The following CREB5 variants were observed in gnomAD, a reference collection of about 807,000 sequenced individuals.
The protein encoded by CREB5 is cyclic AMP-responsive element-binding protein 5.
Under a neutral mutation model 57.1 loss-of-function variants are expected in CREB5, and 19 were observed. That is an observed-to-expected ratio of 0.33 (90% confidence interval 0.23 to 0.49). The LOEUF (loss-of-function observed/expected upper bound fraction) is 0.49, where lower values mean the gene tolerates loss of function less well. Ranked by LOEUF, CREB5 falls within the 20% of genes least tolerant of loss-of-function variation. The pLI, the probability that CREB5 is intolerant of heterozygous loss-of-function variation, is 0.99. For synonymous variants in CREB5, 238 were observed against 238.3 expected (o/e 1.00, Z 0.01); for missense variants, 579 against 671.6 (o/e 0.86, Z 1.52).
rs1035958012 is a variant in CREB5 at position 28,820,134 on chromosome 7, TG to T, written c.*856del. On this transcript the variant is annotated 3_prime_UTR_variant, in exon 11 of 11. Coordinates refer to ENST00000357727, the MANE Select transcript of CREB5 (RefSeq NM_182898.4). Reference sequence around the variant, plus strand: ...GAGATGTTTAATGTGCCTGATTTAATGTTTTTAATAATCACAGCAAATGAAA... The same window carrying T: ...GAGATGTTTAATGTGCCTGATTTAATTTTTTAATAATCACAGCAAATGAAA... 6.6e-6 allele frequency: 1 copy of T among 152,390 alleles called. No individual in the cohort carries two copies. Among genetic ancestry groups the T allele is most frequent in the Non-Finnish European group, 1.5e-5 (1 of 68,034 alleles). 9.4% of individuals were successfully genotyped at this position (152,390 alleles called of 1,614,324 possible).
intron 4 of CREB5, among the ~76,000 whole-genome samples, chr7:28,561,176 G>T (rs1006076413): frequency 6.6e-6 from 1 of 152,122 alleles, no homozygotes; most frequent in Admixed American, 6.5e-5. Context: ...AGCACTCATT[G>T]TACTGTTCTA....
At chr7:28,552,995 G>A (rs1360171877) in intron 4 of CREB5, among the ~76,000 whole-genome samples, 1 of 152,162 alleles carries the variant, frequency 6.6e-6, no homozygotes, top group Non-Finnish European at 1.5e-5. Context: ...TGAGCGTGGT[G>A]GGCGCAATTC....
At chr7:28,306,389 C>T (rs1355348254) in intron 1 of CREB5, among the ~76,000 whole-genome samples, 1 of 152,110 alleles carries the variant, frequency 6.6e-6, no homozygotes, top group Non-Finnish European at 1.5e-5. Flanking sequence ...TTTTATTCCA[C>T]CACTCCAGCT....
At position 28,751,291 on chromosome 7, in the gene CREB5, G is replaced by T. The variant is rs967909902; in HGVS notation, c.702+26959G>T. On this transcript the variant is annotated intron_variant, in intron 7 of 10. Coordinates refer to ENST00000357727, the MANE Select transcript of CREB5 (RefSeq NM_182898.4). ...ATGCCATCCCCAGCATTCAAAGAAG[G>T]CCACAGCTCTGCTGGAAGGGATTGC... is the stretch of plus-strand genomic sequence containing the variant. Among the ~76,000 whole-genome samples the T allele has an allele frequency of 2.0e-5, 3 of 152,292 alleles. 1 individual carries two copies. The highest frequency in any genetic ancestry group is 4.4e-5 in the Non-Finnish European group (3 of 68,030).
intron 4 of CREB5, among the ~76,000 whole-genome samples, chr7:28,524,293 A>G (rs1793329884): frequency 6.7e-6 from 1 of 150,358 alleles, no homozygotes; most frequent in Non-Finnish European, 1.5e-5. Flanking sequence ...CCTGGCCAAC[A>G]TGGTGAAACC....
intron 7 of CREB5, among the ~76,000 whole-genome samples, chr7:28,792,044 C>T (rs1469269492): frequency 6.6e-6 from 1 of 152,178 alleles, no homozygotes; most frequent in East Asian, 1.9e-4. Context: ...GTGGCTCATG[C>T]CTGTAATCCC....
chr7:28,578,588 C>A (rs1271426592), intron 5 of CREB5, among the ~76,000 whole-genome samples: 2 of 152,100 alleles, frequency 1.3e-5, no homozygotes, highest in Non-Finnish European at 2.9e-5. Flanking sequence ...ATATTTGGAG[C>A]TTTTATATTC....
intron 1 of CREB5, among the ~76,000 whole-genome samples, chr7:28,387,574 T>C (rs973157722): frequency 6.6e-6 from 1 of 152,114 alleles, no homozygotes; most frequent in Non-Finnish European, 1.5e-5. Flanking sequence ...AGAAGCTCTT[T>C]AGTTTGATGA....
intron 1 of CREB5, among the ~76,000 whole-genome samples, chr7:28,459,208 G>T (rs943271538): frequency 6.6e-6 from 1 of 152,156 alleles, no homozygotes; most frequent in South Asian, 2.1e-4. Context: ...GTGCGGGGGA[G>T]TCTGTCTTCA....
intron 1 of CREB5, among the ~76,000 whole-genome samples, chr7:28,436,752 T>C (rs1451813525): frequency 6.6e-6 from 1 of 152,152 alleles, no homozygotes; most frequent in Non-Finnish European, 1.5e-5. Context: ...GAGATTCTCT[T>C]AAGTTTTGCT....
intron 5 of CREB5, among the ~76,000 whole-genome samples, chr7:28,629,690 A>G (rs1798131198): frequency 6.6e-6 from 1 of 152,146 alleles, no homozygotes; most frequent in African/African-American, 2.4e-5. Context: ...CAAAGCTCTG[A>G]CCATCCATGA....
At chr7:28,540,234 A>C (rs900157772) in intron 4 of CREB5, among the ~76,000 whole-genome samples, 1 of 152,180 alleles carries the variant, frequency 6.6e-6, no homozygotes, top group African/African-American at 2.4e-5. Flanking sequence ...TAAATCCACA[A>C]TTTGAAATTT....
At chr7:28,441,956 G>A (rs572575046) in intron 1 of CREB5, among the ~76,000 whole-genome samples, 22 of 152,076 alleles carry the variant, frequency 1.4e-4, no homozygotes, top group South Asian at 1.0e-3. Context: ...GTAAGTATTC[G>A]AATGCCCTCT....
intron 1 of CREB5, among the ~76,000 whole-genome samples, chr7:28,306,546 G>GTTTTTTTTTTTTTT (rs796910262): frequency 7.5e-5 from 7 of 93,492 alleles, no homozygotes; most frequent in African/African-American, 2.0e-4. Flanking sequence ...ATACAGTTTT[G>GTTTTTTTTTTTTTT]TTTTTTTTGT....
intron 3 of CREB5, among the ~76,000 whole-genome samples, chr7:28,501,283 C>A (rs1393959933): frequency 6.6e-6 from 1 of 152,092 alleles, no homozygotes; most frequent in Non-Finnish European, 1.5e-5. Context: ...AGAAAATAAT[C>A]AAAAGTTTTT....
intron 7 of CREB5, among the ~76,000 whole-genome samples, chr7:28,781,548 C>A (rs908425279): frequency 1.3e-5 from 2 of 152,152 alleles, no homozygotes; most frequent in African/African-American, 4.8e-5. Context: ...CAAACAATGT[C>A]CAGGGATGAA....
At chr7:28,804,630 C>T in intron 8 of CREB5, 108 bp downstream of exon 8, 1 of 1,355,940 alleles carries the variant, frequency 7.4e-7, no homozygotes, top group East Asian at 2.3e-5. Flanking sequence ...CCCAGGTGTT[C>T]TATCTCACAT....
At chr7:28,390,608 A>C (rs1787197952) in intron 1 of CREB5, among the ~76,000 whole-genome samples, 1 of 152,126 alleles carries the variant, frequency 6.6e-6, no homozygotes, top group South Asian at 2.1e-4. Context: ...CCTCCGCACC[A>C]CTTGGCTGAT....
intron 2 of CREB5, 51 bp downstream of exon 2, chr7:28,488,297 A>G (rs779051390): frequency 6.4e-7 from 1 of 1,553,106 alleles, no homozygotes; most frequent in Admixed American, 1.7e-5. Context: ...GCTTTCCGAA[A>G]GGGAAGCAAC....
Sources: gnomAD v4.1 joint callset for allele counts (sites outside exome capture counted in the v4.1 genomes callset) on GRCh38, gnomAD v4.1.1 for gene constraint, MANE v1.5 for transcripts, NCBI Gene and HGNC (gene_info 2026-07-23, HGNC 2026-07-21) for gene names.